The following TTC28 variants were observed in gnomAD, a reference collection of about 807,000 sequenced individuals.
TTC28 encodes the protein tetratricopeptide repeat domain 28, also known as tetratricopeptide repeat protein 28.
Under a neutral mutation model 198.0 loss-of-function variants are expected in TTC28, and 61 were observed. That is an observed-to-expected ratio of 0.31 (90% confidence interval 0.25 to 0.38). The LOEUF (loss-of-function observed/expected upper bound fraction) is 0.38. Among genes scored for constraint, TTC28 ranks in the 10% least tolerant of loss-of-function variants. The pLI is 1.00. For synonymous variants in TTC28, 1,171 were observed against 1,297.8 expected, an observed-to-expected ratio of 0.90 and a Z score of 2.10; for missense variants, 2,678 against 3,164.0, an observed-to-expected ratio of 0.85 and a Z score of 3.69.
intron 2 of TTC28, among the ~76,000 whole-genome samples, chr22:28,583,426 C>G (rs985667002): frequency 1.3e-5 from 2 of 152,126 alleles, no homozygotes; most frequent in Non-Finnish European, 2.9e-5. Context: ...AAGCAAATGA[C>G]TAACAATTCA....
chr22:28,200,861 G>C (rs1389995165), intron 5 of TTC28, among the ~76,000 whole-genome samples: 1 of 152,128 alleles, frequency 6.6e-6, no homozygotes, highest in Non-Finnish European at 1.5e-5. Context: ...GCTATACTTG[G>C]ATTTATAAGC....
intron 2 of TTC28, among the ~76,000 whole-genome samples, chr22:28,442,331 C>A (rs1349819582): frequency 6.6e-6 from 1 of 152,228 alleles, no homozygotes; most frequent in South Asian, 2.1e-4. Flanking sequence ...CCGGCTATGG[C>A]CAGCCCCAGG....
In TTC28 at chr22:28,478,463, C is replaced by T. The variant is rs540224902; in HGVS notation, c.381+151089G>A. ...AGTGGAGGTTGCAGTGAGCCGAGAT[C>T]GCACCACTGCACTCTAGCCTGGGCA... On this transcript the variant is annotated intron_variant, in intron 2 of 22. Coordinates refer to ENST00000397906, the MANE Select transcript of TTC28 (RefSeq NM_001145418.2). 9.2e-5 allele frequency among the ~76,000 whole-genome samples: 14 copies of T among 152,096 alleles called. No individual in the cohort carries two copies. The East Asian group carries it at 9.6e-4, about 10-fold the overall frequency.
At chr22:28,529,126 G>A (rs1449021992) in intron 2 of TTC28, among the ~76,000 whole-genome samples, 1 of 152,196 alleles carries the variant, frequency 6.6e-6, no homozygotes, top group African/African-American at 2.4e-5. Context: ...CCTCACCCGG[G>A]AAGCGCAAGG....
At chr22:28,379,238 A>G (rs1264030282) in intron 2 of TTC28, among the ~76,000 whole-genome samples, 5 of 152,206 alleles carry the variant, frequency 3.3e-5, no homozygotes, top group African/African-American at 1.2e-4. Context: ...AAAATTAAAA[A>G]TAGAAGTTAT....
At chr22:28,580,244 T>C (rs1160135966) in intron 2 of TTC28, among the ~76,000 whole-genome samples, 1 of 152,180 alleles carries the variant, frequency 6.6e-6, no homozygotes, top group Non-Finnish European at 1.5e-5. Flanking sequence ...GGTTGTGTCT[T>C]ATAATATGAT....
intron 5 of TTC28, among the ~76,000 whole-genome samples, chr22:28,249,932 T>G (rs1451643116): frequency 6.6e-6 from 1 of 152,220 alleles, no homozygotes; most frequent in Non-Finnish European, 1.5e-5. Context: ...GCAGCTTCTT[T>G]GAGGATTTCA....
At chr22:28,328,567 A>C (rs960754350) in intron 2 of TTC28, among the ~76,000 whole-genome samples, 1 of 151,752 alleles carries the variant, frequency 6.6e-6, no homozygotes, top group Non-Finnish European at 1.5e-5. Context: ...CAGCCTGGCC[A>C]ACCCGGTGAA....
At chr22:28,590,101 A>C (rs1366338467) in intron 2 of TTC28, among the ~76,000 whole-genome samples, 1 of 141,476 alleles carries the variant, frequency 7.1e-6, no homozygotes, top group African/African-American at 2.6e-5. Flanking sequence ...ATTTGATTTG[A>C]TCTCATGGGC....
At chr22:28,087,064 C>A (rs545785368) in intron 12 of TTC28, among the ~76,000 whole-genome samples, 1 of 152,126 alleles carries the variant, frequency 6.6e-6, no homozygotes, top group Non-Finnish European at 1.5e-5. Context: ...GGATTCACAG[C>A]GGAATTCTAC....
intron 2 of TTC28, among the ~76,000 whole-genome samples, chr22:28,611,672 CCA>C (rs2050822657): frequency 2.4e-5 from 3 of 124,918 alleles, no homozygotes; most frequent in African/African-American, 8.4e-5. Context: ...CCCTACCCCA[CCA>C]CAGTCCCCAG....
rs1400091184 is a variant in TTC28 at position 28,629,668 on chromosome 22, G to A, written c.265C>T (p.Pro89Ser). 1 of 1,551,574 alleles carries A rather than the reference G, an allele frequency of 6.4e-7. No individual in the cohort carries two copies. The highest frequency in any genetic ancestry group is 8.7e-7 in the Non-Finnish European group (1 of 1,146,986). The part of the protein sequence containing the change: ...VLYNEALAVD[P>S]QNCILYSNRS... ...TTGCTGTATAAGATGCAGTTCTGAG[G>A]GTCAACAGCCAGGGCTTCATTATAC... The change falls in exon 2 of 23, where the codon CCT becomes TCT. Residue 89 changes from proline to serine, a missense_variant. Coordinates refer to ENST00000397906, the MANE Select transcript of TTC28 (RefSeq NM_001145418.2).
intron 2 of TTC28, among the ~76,000 whole-genome samples, chr22:28,405,361 A>G (rs1569308356): frequency 6.6e-6 from 1 of 152,198 alleles, no homozygotes; most frequent in African/African-American, 2.4e-5. Context: ...ACAATGTGCA[A>G]ATGATTGCAA....
intron 21 of TTC28, 28 bp from the exon 22 acceptor site, chr22:27,985,384 G>A (rs1236457327): frequency 2.0e-6 from 3 of 1,512,524 alleles, no homozygotes; most frequent in Non-Finnish European, 2.7e-6. Flanking sequence ...ATAAGCATCT[G>A]CTTCCTTCGG....
intron 2 of TTC28, among the ~76,000 whole-genome samples, chr22:28,543,058 G>A (rs577646073): frequency 6.6e-6 from 1 of 152,316 alleles, no homozygotes; most frequent in South Asian, 2.1e-4. Flanking sequence ...ATAGAGGCCA[G>A]TTGCAGTGGC....
chr22:28,234,574 T>C (rs1230519190), intron 5 of TTC28, among the ~76,000 whole-genome samples: 1 of 152,040 alleles, frequency 6.6e-6, no homozygotes, highest in South Asian at 2.1e-4. Flanking sequence ...GGTTTCACCA[T>C]GTTAGCCAGG....
At chr22:28,657,056 C>A (rs539368860) in intron 1 of TTC28, among the ~76,000 whole-genome samples, 14 of 152,286 alleles carry the variant, frequency 9.2e-5, no homozygotes, top group African/African-American at 2.2e-4. Flanking sequence ...GTATTGAATT[C>A]TTTTAATGCT....
rs1319511718 is a variant in TTC28, at chr22:27,981,281, CG to C, written c.*939del. On this transcript the variant is annotated 3_prime_UTR_variant, in exon 23 of 23. Coordinates refer to ENST00000397906, the MANE Select transcript of TTC28 (RefSeq NM_001145418.2). ...TTTTTTTTTTTTGCTTATAAGGAAA[CG>C]GAGTCATTTCAACCTTTCCTTCCAA... 1 of 98,108 alleles carries C rather than the reference CG, an allele frequency of 1.0e-5. No homozygotes were observed. Among genetic ancestry groups the C allele is most frequent in the African/African-American group, 3.9e-5 (1 of 25,366 alleles). The allele number at this position is 98,108 out of a possible 1,614,324, so 6.1% of individuals were successfully genotyped here. A position where few individuals can be genotyped will look rare whatever the true frequency, so the allele number is the denominator to read the frequency against.
At chr22:28,600,033 C>A (rs1032894969) in intron 2 of TTC28, among the ~76,000 whole-genome samples, 1 of 152,166 alleles carries the variant, frequency 6.6e-6, no homozygotes, top group Non-Finnish European at 1.5e-5. Flanking sequence ...GCCAACATAG[C>A]TTACAACTGC....
Sources: gnomAD v4.1 joint callset for allele counts (sites outside exome capture counted in the v4.1 genomes callset) on GRCh38, gnomAD v4.1.1 for gene constraint, MANE v1.5 for transcripts, NCBI Gene and HGNC (gene_info 2026-07-23, HGNC 2026-07-21) for gene names.